The following GALNTL6 variants were observed in gnomAD, a reference collection of about 807,000 sequenced individuals.
The protein encoded by GALNTL6 is polypeptide N-acetylgalactosaminyltransferase-like 6.
GALNTL6 carries 46 observed loss-of-function variants against 73.7 expected under a neutral mutation model. The observed-to-expected ratio is 0.62, with a 90% CI of 0.49 to 0.80. GALNTL6 has a LOEUF of 0.80. Among genes scored for constraint, GALNTL6 ranks in the 30% least tolerant of loss-of-function variants. The pLI is 0.00. For synonymous variants in GALNTL6, 259 were observed against 263.7 expected, an observed-to-expected ratio of 0.98 and a Z score of 0.17; for missense variants, 604 against 755.0, an observed-to-expected ratio of 0.80 and a Z score of 2.34.
chr4:172,282,609 A>G (rs1739099181), intron 3 of GALNTL6, among the ~76,000 whole-genome samples: 1 of 150,274 alleles, frequency 6.7e-6, no homozygotes, highest in Non-Finnish European at 1.5e-5. Context: ...TGCAGTTTTC[A>G]TTGTAAGTGC....
rs1212706952 is a variant in GALNTL6, at chr4:172,487,300, GTCTTTCTTTCTTTCTTTCTT to G, written c.553+138650_553+138669del. On this transcript the variant is annotated intron_variant, in intron 5 of 12. Transcript: ENST00000506823. ...TTTCTTTCTTTCCTTCTTTCCTTCT[GTCTTTCTTTCTTTCTTTCTT>G]TCTTTCTTTCTTTCTTTCTTTCTTT... Among the ~76,000 whole-genome samples the G allele has an allele frequency of 3.8e-3, 453 of 118,672 alleles. 3 individuals are homozygous for G. Among genetic ancestry groups the G allele is most frequent in the African/African-American group, 0.014 (422 of 31,144 alleles). 77.9% of individuals were successfully genotyped at this position (118,672 alleles called of 152,430 possible). A position where few individuals can be genotyped will look rare whatever the true frequency, so the allele number is the denominator to read the frequency against.
chr4:172,966,075 G>A (rs534207831), intron 10 of GALNTL6, among the ~76,000 whole-genome samples: 2 of 152,284 alleles, frequency 1.3e-5, no homozygotes, highest in Admixed American at 6.5e-5. Context: ...GAAAAATTAA[G>A]AGAATTGAAT....
At chr4:171,923,700 T>C (rs1243714747) in intron 2 of GALNTL6, among the ~76,000 whole-genome samples, 1 of 151,568 alleles carries the variant, frequency 6.6e-6, no homozygotes, top group Non-Finnish European at 1.5e-5. Context: ...ACCCTGACAT[T>C]TTTTAAAAAG....
intron 12 of GALNTL6, among the ~76,000 whole-genome samples, chr4:173,023,810 T>A (rs772353604): frequency 1.3e-5 from 2 of 152,156 alleles, no homozygotes; most frequent in African/African-American, 2.4e-5. Context: ...ATGAAATGTA[T>A]AATAAATGAT....
chr4:171,842,720 G>A (rs1313941397), intron 2 of GALNTL6, among the ~76,000 whole-genome samples: 2 of 152,118 alleles, frequency 1.3e-5, no homozygotes, highest in African/African-American at 4.8e-5. Flanking sequence ...TAGCACCAAG[G>A]GAATGGTACT....
intron 10 of GALNTL6, among the ~76,000 whole-genome samples, chr4:172,975,623 C>A (rs1434739015): frequency 6.6e-6 from 1 of 152,150 alleles, no homozygotes; most frequent in Non-Finnish European, 1.5e-5. Flanking sequence ...GGAGCCTGTC[C>A]CCTGCCGTCA....
intron 2 of GALNTL6, among the ~76,000 whole-genome samples, chr4:171,833,166 GCTTT>G (rs1560805965): frequency 6.6e-6 from 1 of 151,654 alleles, no homozygotes; most frequent in Non-Finnish European, 1.5e-5. Flanking sequence ...ATTAAAAGCA[GCTTT>G]CTTTTTTATG....
chr4:171,980,508 C>T (rs1005671516), intron 2 of GALNTL6, among the ~76,000 whole-genome samples: 16 of 152,168 alleles, frequency 1.1e-4, no homozygotes, highest in African/African-American at 3.9e-4. Context: ...CACAAAAAGT[C>T]TGCATGTAAA....
intron 2 of GALNTL6, among the ~76,000 whole-genome samples, chr4:172,031,582 C>A (rs1741772601): frequency 6.6e-6 from 1 of 151,918 alleles, no homozygotes; most frequent in African/African-American, 2.4e-5. Flanking sequence ...TATTGAGTGG[C>A]AAGGAAGTAT....
At chr4:172,135,709 T>G (rs747653406) in intron 2 of GALNTL6, among the ~76,000 whole-genome samples, 35 of 152,270 alleles carry the variant, frequency 2.3e-4, no homozygotes, top group South Asian at 1.0e-3. Context: ...TGAGAAAATT[T>G]AAATCACAGT....
intron 3 of GALNTL6, among the ~76,000 whole-genome samples, chr4:172,230,936 T>G (rs535423943): frequency 1.3e-5 from 2 of 152,262 alleles, no homozygotes; most frequent in Admixed American, 1.3e-4. Context: ...TAGCTCTGTA[T>G]CAGGTATGGC....
At chr4:172,129,494 GC>G (rs1243706604) in intron 2 of GALNTL6, among the ~76,000 whole-genome samples, 1 of 152,070 alleles carries the variant, frequency 6.6e-6, no homozygotes, top group African/African-American at 2.4e-5. Flanking sequence ...TCAAGATCAT[GC>G]CCACCATTTA....
Position 172,052,558 on chromosome 4 carries a change from A to T in GALNTL6, c.139-177098A>T, listed in dbSNP as rs533951013. 3.4e-5 allele frequency: 50 copies of T among 1,480,394 alleles called. 1 individual carries two copies. The African/African-American group carries it at 5.6e-4, about 16-fold the overall frequency. The allele number at this position is 1,480,394 out of a possible 1,614,324, so 91.7% of individuals were successfully genotyped here. A position where few individuals can be genotyped will look rare whatever the true frequency, so the allele number is the denominator to read the frequency against. ...TAACCGGTAAAAAGCAAACGGCTGC[A>T]GTGCAGACCAAGACAAGATAGGGTG... On this transcript the variant is annotated intron_variant, in intron 2 of 12. Transcript: ENST00000506823.
At position 172,825,118 on chromosome 4, in the gene GALNTL6, CTTT is replaced by C. The variant is rs1560977572; in HGVS notation, c.923+11396_923+11398del. Among the ~76,000 whole-genome samples the C allele has an allele frequency of 1.5e-4, 12 of 80,600 alleles. No individual in the cohort carries two copies. The East Asian group carries it at 4.2e-3, about 28-fold the overall frequency. The allele number at this position is 80,600 out of a possible 152,430, so 52.9% of individuals were successfully genotyped here. A position where few individuals can be genotyped will look rare whatever the true frequency, so the allele number is the denominator to read the frequency against. On this transcript the variant is annotated intron_variant, in intron 7 of 12. Coordinates refer to ENST00000506823, the MANE Select transcript of GALNTL6 (RefSeq NM_001034845.3). ...TCTTTCTTTCTTTCTTTCTTTCTTT[CTTT>C]CTTTCTTTCTTCCTTTCTTTCCTTT...
chr4:172,306,561 C>T (rs1212748250), intron 3 of GALNTL6, among the ~76,000 whole-genome samples: 1 of 152,142 alleles, frequency 6.6e-6, no homozygotes. Context: ...TGGGTGTACC[C>T]ATCACCTAAG....
Position 172,393,461 on chromosome 4 carries a change from A to G in GALNTL6, c.553+44772A>G, listed in dbSNP as rs1044328592. Among the ~76,000 whole-genome samples the G allele has an allele frequency of 4.6e-5, 7 of 152,172 alleles. No individual in the cohort carries two copies. The South Asian group carries it at 8.3e-4, about 18-fold the overall frequency. On this transcript the variant is annotated intron_variant, in intron 5 of 12. Transcript: ENST00000506823. ...ACGAAGAGACAACAGAGAGACTCCA[A>G]CCACTCTGAGTAGCAGGTTATTAAG...
intron 5 of GALNTL6, among the ~76,000 whole-genome samples, chr4:172,539,760 G>A (rs1319162069): frequency 6.6e-6 from 1 of 151,074 alleles, no homozygotes; most frequent in African/African-American, 2.4e-5. Context: ...ATATTGTTTG[G>A]TATGATTGCC....
At chr4:172,841,470 G>A (rs1263403194) in intron 7 of GALNTL6, among the ~76,000 whole-genome samples, 1 of 152,064 alleles carries the variant, frequency 6.6e-6, no homozygotes, top group Non-Finnish European at 1.5e-5. Flanking sequence ...CGTAACTACT[G>A]TATTAGTCCA....
At chr4:172,326,090 T>G (rs749028397) in intron 4 of GALNTL6, among the ~76,000 whole-genome samples, 1 of 151,886 alleles carries the variant, frequency 6.6e-6, no homozygotes, top group Non-Finnish European at 1.5e-5. Context: ...ACACATAGTT[T>G]AATAATTCAT....
Sources: gnomAD v4.1 joint callset for allele counts (sites outside exome capture counted in the v4.1 genomes callset) on GRCh38, gnomAD v4.1.1 for gene constraint, MANE v1.5 for transcripts, NCBI Gene and HGNC (gene_info 2026-07-23, HGNC 2026-07-21) for gene names.